Variants in NSRP1 observed in about 807,000 individuals in gnomAD.
NSRP1 encodes coiled-coil domain containing 55.
A neutral mutation model predicts 54.7 loss-of-function variants in NSRP1; 24 were observed. That is an observed-to-expected ratio of 0.44 (90% confidence interval 0.32 to 0.62). NSRP1 has a LOEUF of 0.62. Among genes scored for constraint, NSRP1 ranks in the 20% least tolerant of loss-of-function variants. The pLI is 0.06. For synonymous variants in NSRP1, 210 were observed against 213.8 expected (o/e 0.98, Z 0.15); for missense variants, 596 against 651.2 (o/e 0.92, Z 0.92).
At chr17:30,137,244 C>T (rs1214525903) in intron 2 of NSRP1, among the ~76,000 whole-genome samples, 1 of 152,156 alleles carries the variant, frequency 6.6e-6, no homozygotes, top group Non-Finnish European at 1.5e-5. Context: ...ATTCACAAAT[C>T]ATCTTATTTA....
At chr17:30,184,183 CAG>C (rs1164275725) in intron 6 of NSRP1, among the ~76,000 whole-genome samples, 2 of 152,156 alleles carry the variant, frequency 1.3e-5, no homozygotes, top group African/African-American at 4.8e-5. Context: ...GCCTGGGTAA[CAG>C]AATGTCTCAA....
chr17:30,182,946 TAATA>T (rs1369869067), intron 6 of NSRP1, among the ~76,000 whole-genome samples: 10 of 151,720 alleles, frequency 6.6e-5, no homozygotes, highest in Non-Finnish European at 1.3e-4. Flanking sequence ...AAAATAATAA[TAATA>T]AATAAATAAT....
intron 2 of NSRP1, among the ~76,000 whole-genome samples, chr17:30,172,127 A>G (rs1904973508): frequency 6.6e-6 from 1 of 152,104 alleles, no homozygotes; most frequent in Admixed American, 6.6e-5. Flanking sequence ...ATTTTCTCTG[A>G]TACCTTATAA....
intron 2 of NSRP1, 27 bp downstream of exon 2, chr17:30,118,200 C>T (rs1361048996): frequency 1.9e-6 from 3 of 1,563,436 alleles, no homozygotes; most frequent in Non-Finnish European, 2.6e-6. Context: ...TTTACTCGTG[C>T]ATGGTTGGAA....
intron 2 of NSRP1, among the ~76,000 whole-genome samples, chr17:30,160,777 A>G (rs1904485462): frequency 6.6e-6 from 1 of 152,222 alleles, no homozygotes; most frequent in African/African-American, 2.4e-5. Flanking sequence ...ACTGGATACT[A>G]CTGGTAGTAA....
chr17:30,163,975 C>T (rs572474580), intron 2 of NSRP1, among the ~76,000 whole-genome samples: 88 of 152,116 alleles, frequency 5.8e-4, no homozygotes, highest in African/African-American at 2.1e-3. Flanking sequence ...CATGAGCCAC[C>T]GTACCCGGCC....
intron 2 of NSRP1, among the ~76,000 whole-genome samples, chr17:30,138,453 G>A (rs1003026668): frequency 6.6e-6 from 1 of 152,072 alleles, no homozygotes; most frequent in African/African-American, 2.4e-5. Context: ...CATAACCTAT[G>A]CACGTTCTCC....
intron 2 of NSRP1, among the ~76,000 whole-genome samples, chr17:30,141,075 C>T (rs765451443): frequency 6.6e-6 from 1 of 152,228 alleles, no homozygotes; most frequent in Non-Finnish European, 1.5e-5. Context: ...CCTGCTTTGA[C>T]TTCCCAAAGG....
intron 1 of NSRP1, 80 bp downstream of exon 1, chr17:30,116,943 G>A: frequency 5.3e-6 from 8 of 1,507,460 alleles, no homozygotes; most frequent in Non-Finnish European, 6.3e-6. Flanking sequence ...AGTTTTAAAT[G>A]CGCTGGAAGT....
At chr17:30,143,508 G>C (rs1567795157) in intron 2 of NSRP1, among the ~76,000 whole-genome samples, 2 of 150,416 alleles carry the variant, frequency 1.3e-5, no homozygotes, top group African/African-American at 4.9e-5. Context: ...CTTGTCTCTT[G>C]AAAAAAAAAT....
rs1282106275 is a variant in NSRP1, at chr17:30,180,901, CTG to C, written c.509-5_509-4del. ...ATATATTCTAATTTTTGCTTTCCCT[CTG>C]TTAGCATGTTTGGATGTAACCAAGC... is the stretch of plus-strand genomic sequence containing the variant. On this transcript the variant is annotated splice_polypyrimidine_tract_variant and splice_region_variant and intron_variant, in intron 5 of 6. Coordinates refer to ENST00000247026, the MANE Select transcript of NSRP1 (RefSeq NM_032141.4). The C allele has an allele frequency of 6.3e-7, 1 of 1,591,488 alleles. No homozygotes were observed. Among genetic ancestry groups the C allele is most frequent in the East Asian group, 2.2e-5 (1 of 44,726 alleles).
chr17:30,145,504 A>T (rs920244144), intron 2 of NSRP1, among the ~76,000 whole-genome samples: 2 of 152,120 alleles, frequency 1.3e-5, no homozygotes, highest in Non-Finnish European at 2.9e-5. Context: ...AATCGCTTGA[A>T]TCCGGGAGGT....
chr17:30,145,051 C>T (rs1452737877), intron 2 of NSRP1, among the ~76,000 whole-genome samples: 2 of 152,124 alleles, frequency 1.3e-5, no homozygotes, highest in Admixed American at 6.6e-5. Context: ...TTAGTCAACA[C>T]TGTGTTACAG....
At chr17:30,119,378 AATTTTTAT>A (rs1361845953) in intron 2 of NSRP1, among the ~76,000 whole-genome samples, 1 of 151,912 alleles carries the variant, frequency 6.6e-6, no homozygotes, top group Non-Finnish European at 1.5e-5. Context: ...ACGCCCAGCT[AATTTTTAT>A]ATTTTTAGGA....
chr17:30,122,405 T>A (rs1291374659), intron 2 of NSRP1: 6 of 87,558 alleles, frequency 6.9e-5, no homozygotes, highest in African/African-American at 2.5e-4. Context: ...TTTTTTTTTT[T>A]TTTTTTTTTT....
intron 2 of NSRP1, among the ~76,000 whole-genome samples, chr17:30,142,220 G>T (rs2071811713): frequency 2.0e-5 from 3 of 151,934 alleles, no homozygotes; most frequent in South Asian, 4.2e-4. Context: ...TTTCCACTAT[G>T]GTTATAGTAT....
In NSRP1 at chr17:30,184,596, T is replaced by G. The variant is rs1905437106; in HGVS notation, c.618-19T>G. Reference sequence around the variant, plus strand: ...AATGTGGCATTTTTTTCTGCCCTTTTTTGTTTTTTGTTTCTAAGATCTGGT... The same window carrying G: ...AATGTGGCATTTTTTTCTGCCCTTTGTTGTTTTTTGTTTCTAAGATCTGGT... On this transcript the variant is annotated intron_variant, in intron 6 of 6. Coordinates refer to ENST00000247026, the MANE Select transcript of NSRP1 (RefSeq NM_032141.4). The G allele has an allele frequency of 6.6e-7, 1 of 1,525,136 alleles. No individual in the cohort carries two copies. Among genetic ancestry groups the G allele is most frequent in the Non-Finnish European group, 8.8e-7 (1 of 1,139,380 alleles). The allele number at this position is 1,525,136 out of a possible 1,614,324, so 94.5% of individuals were successfully genotyped here.
At chr17:30,131,434 A>G (rs1460995991) in intron 2 of NSRP1, among the ~76,000 whole-genome samples, 1 of 152,320 alleles carries the variant, frequency 6.6e-6, no homozygotes, top group South Asian at 2.1e-4. Flanking sequence ...AGACCACTGC[A>G]ATAAAGTAAA....
chr17:30,179,351 T>C, intron 5 of NSRP1, 54 bp downstream of exon 5: 2 of 1,484,788 alleles, frequency 1.3e-6, no homozygotes, highest in Non-Finnish European at 1.8e-6. Flanking sequence ...ATCTCTCCCC[T>C]GTGGTTAGCT....
Sources: allele counts gnomAD v4.1 joint callset (sites outside exome capture counted in the v4.1 genomes callset), GRCh38; gene constraint gnomAD v4.1.1; transcripts MANE v1.5; gene names NCBI Gene and HGNC (gene_info 2026-07-23, HGNC 2026-07-21).